Variants in POU6F2 observed in about 807,000 individuals in gnomAD.
POU6F2 encodes the protein POU class 6 homeobox 2, also known as POU domain, class 6, transcription factor 2.
Under a neutral mutation model 71.3 loss-of-function variants are expected in POU6F2, and 31 were observed. That is an observed-to-expected ratio of 0.43 (90% confidence interval 0.33 to 0.59). POU6F2 has a LOEUF of 0.59. Ranked by LOEUF, POU6F2 falls within the 20% of genes least tolerant of loss-of-function variation. POU6F2 has a pLI of 0.04. For synonymous variants in POU6F2, 347 were observed against 355.7 expected, an observed-to-expected ratio of 0.98 and a Z score of 0.27; for missense variants, 783 against 856.8, an observed-to-expected ratio of 0.91 and a Z score of 1.07.
At chr7:39,244,057 A>G (rs1783774997) in intron 4 of POU6F2, among the ~76,000 whole-genome samples, 1 of 152,196 alleles carries the variant, frequency 6.6e-6, no homozygotes, top group African/African-American at 2.4e-5. Flanking sequence ...ATAAGATTAG[A>G]GACAGGTTCT....
chr7:39,179,375 G>A (rs1793390556), intron 2 of POU6F2, among the ~76,000 whole-genome samples: 1 of 152,248 alleles, frequency 6.6e-6, no homozygotes, highest in South Asian at 2.1e-4. Flanking sequence ...TAACATGCAG[G>A]TTGTAGTGGT....
chr7:39,095,654 T>C (rs775405766), intron 2 of POU6F2, among the ~76,000 whole-genome samples: 4 of 152,156 alleles, frequency 2.6e-5, no homozygotes, highest in Non-Finnish European at 5.9e-5. Flanking sequence ...TTGAAAGCTT[T>C]CACAAAATCT....
chr7:39,454,323 T>C (rs1212415448), intron 8 of POU6F2, among the ~76,000 whole-genome samples: 1 of 152,056 alleles, frequency 6.6e-6, no homozygotes, highest in Non-Finnish European at 1.5e-5. Context: ...CTGCATCATG[T>C]AGACATGATT....
chr7:39,226,416 A>T (rs367776974), intron 4 of POU6F2, among the ~76,000 whole-genome samples: 1 of 152,210 alleles, frequency 6.6e-6, no homozygotes, highest in South Asian at 2.1e-4. Context: ...TGTTGAATGC[A>T]TTCAGCCTTT....
intron 4 of POU6F2, among the ~76,000 whole-genome samples, chr7:39,257,883 G>A (rs1184550006): frequency 6.6e-6 from 1 of 151,688 alleles, no homozygotes; most frequent in Non-Finnish European, 1.5e-5. Context: ...CCCCATAGAC[G>A]TGTTTCATGT....
chr7:39,051,745 G>A (rs1362884103), intron 1 of POU6F2, among the ~76,000 whole-genome samples: 1 of 152,118 alleles, frequency 6.6e-6, no homozygotes, highest in Admixed American at 6.6e-5. Flanking sequence ...CATGTTCTCA[G>A]AAGCAATATG....
intron 2 of POU6F2, among the ~76,000 whole-genome samples, chr7:39,176,682 G>T (rs1031121042): frequency 1.3e-5 from 2 of 152,118 alleles, no homozygotes; most frequent in African/African-American, 4.8e-5. Flanking sequence ...CCAAAGAAAG[G>T]TCAAAAAGAA....
At chr7:39,307,149 A>G (rs1785062577) in intron 4 of POU6F2, among the ~76,000 whole-genome samples, 1 of 152,180 alleles carries the variant, frequency 6.6e-6, no homozygotes, top group African/African-American at 2.4e-5. Context: ...CACATTTAAA[A>G]TAATTGTTGG....
chr7:39,327,961 C>T (rs1455995537), intron 4 of POU6F2, among the ~76,000 whole-genome samples: 4 of 152,024 alleles, frequency 2.6e-5, no homozygotes, highest in Non-Finnish European at 4.4e-5. Context: ...TGCTCTGTCG[C>T]CCAGGCTGGA....
chr7:39,093,502 A>G (rs1791395253), intron 2 of POU6F2, among the ~76,000 whole-genome samples: 1 of 152,124 alleles, frequency 6.6e-6, no homozygotes. Context: ...AAACAGTTTC[A>G]CAATTTAATG....
chr7:39,044,884 G>A (rs1790258860), intron 1 of POU6F2, among the ~76,000 whole-genome samples: 1 of 151,826 alleles, frequency 6.6e-6, no homozygotes, highest in Non-Finnish European at 1.5e-5. Context: ...ATATTAAAGG[G>A]CAATTATCAG....
chr7:39,081,891 C>T (rs1033290211), intron 1 of POU6F2, among the ~76,000 whole-genome samples: 1 of 152,174 alleles, frequency 6.6e-6, no homozygotes, highest in African/African-American at 2.4e-5. Context: ...AAGGTGCTGA[C>T]TTTTGGAGAT....
At chr7:39,384,067 A>G (rs145233711) in intron 5 of POU6F2, among the ~76,000 whole-genome samples, 1,784 of 152,350 alleles carry the variant, frequency 0.012, 47 homozygotes, top group African/African-American at 0.038. Flanking sequence ...AAGGAACTCA[A>G]AGATATTTGA....
chr7:38,996,768 G>T (rs1788750958), intron 1 of POU6F2, among the ~76,000 whole-genome samples: 1 of 152,160 alleles, frequency 6.6e-6, no homozygotes, highest in Non-Finnish European at 1.5e-5. Context: ...TCAAGTTCAA[G>T]CAGGCTTACT....
intron 4 of POU6F2, among the ~76,000 whole-genome samples, chr7:39,304,304 T>C (rs757035673): frequency 1.3e-5 from 2 of 152,144 alleles, no homozygotes; most frequent in South Asian, 2.1e-4. Context: ...GAAAACAAAC[T>C]ACAGAAACAG....
rs1226129973 is a variant in POU6F2, at chr7:38,987,267, CAAAG to C, written c.105+9211_105+9214del. On this transcript the variant is annotated intron_variant, in intron 1 of 9. Coordinates refer to ENST00000518318, the MANE Select transcript of POU6F2 (RefSeq NM_001370959.1). ...AAGATCACAATATTTTATTTAGTAA[CAAAG>C]AGGTAAGAATGACAGAGAATGGCGT... Among the ~76,000 whole-genome samples the C allele has an allele frequency of 5.3e-5, 8 of 152,144 alleles. No homozygotes were observed. In the East Asian group the frequency reaches 1.2e-3, roughly 22 times the overall value.
chr7:39,245,521 T>A (rs1783805215), intron 4 of POU6F2, among the ~76,000 whole-genome samples: 1 of 152,224 alleles, frequency 6.6e-6, no homozygotes, highest in African/African-American at 2.4e-5. Flanking sequence ...CTTGGTTTTT[T>A]ATCAACTTTT....
At chr7:38,999,299 T>A (rs997740079) in intron 1 of POU6F2, among the ~76,000 whole-genome samples, 3 of 152,178 alleles carry the variant, frequency 2.0e-5, no homozygotes, top group Admixed American at 1.3e-4. Context: ...TCCCGCAGCC[T>A]GTAGCACAAT....
chr7:39,148,958 G>A (rs1792683984), intron 2 of POU6F2, among the ~76,000 whole-genome samples: 1 of 152,142 alleles, frequency 6.6e-6, no homozygotes, highest in Non-Finnish European at 1.5e-5. Flanking sequence ...GAAGGATGAG[G>A]GCATACTTTT....
Sources: allele counts gnomAD v4.1 joint callset (sites outside exome capture counted in the v4.1 genomes callset), GRCh38; gene constraint gnomAD v4.1.1; transcripts MANE v1.5; gene names NCBI Gene and HGNC (gene_info 2026-07-23, HGNC 2026-07-21).